The following ETV7 variants were observed in gnomAD, a reference collection of about 807,000 sequenced individuals.
ETV7 encodes the protein ETS variant transcription factor 7.
In ETV7, 43 loss-of-function variants were observed where a neutral mutation model predicts 39.1. The observed-to-expected ratio is 1.10, with a 90% confidence interval of 0.86 to 1.42. The LOEUF (loss-of-function observed/expected upper bound fraction) is 1.42. Ranked by LOEUF, ETV7 falls within the 40% of genes most tolerant of loss-of-function variation. The probability of loss-of-function intolerance (pLI) is 0.00; values close to 1 mark genes in which losing one functional copy is unlikely to be tolerated. For missense variants in ETV7, 432 were observed against 442.3 expected (o/e 0.98, Z 0.21); for synonymous variants, 196 against 176.6 (o/e 1.11, Z -0.87).
chr6:36,371,508 T>C lies in ETV7; in HGVS notation c.486A>G (p.Pro162=), dbSNP rs751801330. 1.2e-6 allele frequency: 2 copies of C among 1,606,584 alleles called. No homozygotes were observed. Among genetic ancestry groups the C allele is most frequent in the Non-Finnish European group, 1.7e-6 (2 of 1,176,916 alleles). The part of the protein sequence containing the change: ...MDTRRGHLLQ[P]PDPGLTSNFG... ...AGTTGCTGGTAAGCCCTGGGTCTGG[T>C]GGCTGCAGCAGGTGGCCCCTTCGGG... Residue 162 remains proline (P), a synonymous_variant, in exon 5 of 8, where the codon CCA becomes CCG. Transcript: ENST00000340181.
intron 2 of ETV7, among the ~76,000 whole-genome samples, chr6:36,383,598 G>A (rs889213427): frequency 6.6e-6 from 1 of 152,174 alleles, no homozygotes; most frequent in Non-Finnish European, 1.5e-5. Context: ...GATGGGCAGA[G>A]ATGGAAACCC....
downstream of ETV7, among the ~76,000 whole-genome samples, chr6:36,361,430 T>C (rs986604254): frequency 3.9e-5 from 6 of 152,154 alleles, no homozygotes; most frequent in South Asian, 8.3e-4. Flanking sequence ...GTGAGAACAT[T>C]TGAGTAGAAA....
chr6:36,376,060 A>T (rs1301888193), intron 2 of ETV7, 25 bp from the exon 3 acceptor site: 1 of 1,583,088 alleles, frequency 6.3e-7, no homozygotes. Context: ...GACCAGTCCC[A>T]TCACTCCCCG....
chr6:36,373,626 G>C (rs1773157875), intron 3 of ETV7, 48 bp from the exon 4 acceptor site: 2 of 1,500,986 alleles, frequency 1.3e-6, no homozygotes, highest in Non-Finnish European at 1.8e-6. Flanking sequence ...GGCCACGTGG[G>C]GAGGGCCAGC....
chr6:36,361,660 G>C (rs1163585206), downstream of ETV7, among the ~76,000 whole-genome samples: 1 of 152,246 alleles, frequency 6.6e-6, no homozygotes, highest in Non-Finnish European at 1.5e-5. Context: ...ACCTAACAGA[G>C]AAGAGGAAGA....
At chr6:36,375,770 G>C in intron 3 of ETV7, 101 bp downstream of exon 3, 2 of 1,573,678 alleles carry the variant, frequency 1.3e-6, no homozygotes, top group South Asian at 2.2e-5. Flanking sequence ...ATTCCCCAAG[G>C]AAGACCCCTC....
chr6:36,379,268 G>A (rs1773528735), intron 2 of ETV7, among the ~76,000 whole-genome samples: 1 of 152,250 alleles, frequency 6.6e-6, no homozygotes, highest in Non-Finnish European at 1.5e-5. Flanking sequence ...CTGGCCTGTT[G>A]TGGTGGCTGA....
intron 4 of ETV7, among the ~76,000 whole-genome samples, chr6:36,373,192 G>A (rs554003177): frequency 1.9e-4 from 29 of 152,188 alleles, no homozygotes; most frequent in African/African-American, 6.5e-4. Flanking sequence ...TTTCCACGGA[G>A]GGCTGCAGAG....
rs866868598 is a variant in ETV7, at chr6:36,385,671, T to C, written c.7-2A>G. ...AGGAGAAATAGCCAATTCTCCCTCC[T>C]AGAGAGAGAAAAACCAGGACAGTCA... On this transcript the variant is annotated splice_acceptor_variant, in intron 1 of 7. Coordinates refer to ENST00000340181, the MANE Select transcript of ETV7 (RefSeq NM_016135.4). LOFTEE classifies it high-confidence loss of function. 4 of 1,600,132 alleles carry C rather than the reference T, an allele frequency of 2.5e-6. No homozygotes were observed. The highest frequency in any genetic ancestry group is 2.6e-6 in the Non-Finnish European group (3 of 1,175,196).
At position 36,361,104 on chromosome 6, in the gene ETV7, G is replaced by T. The variant is rs114890878; in HGVS notation, c.908+5771C>A. ...ATGAGCAATTAACTCAAAAGGATTC[G>T]GGACTTTAAAAAAATCAAGATCACG... On this transcript the variant is annotated intron_variant, in intron 7 of 7. Coordinates refer to the ETV7 transcript ENST00000339796. Among the ~76,000 whole-genome samples the T allele has an allele frequency of 6.5e-3, 985 of 152,198 alleles. 5 individuals are homozygous for T. The highest frequency in any genetic ancestry group is 0.012 in the Non-Finnish European group (802 of 67,998).
chr6:36,359,456 AAAAAAAG>A (rs372089484), intron 7 of ETV7, among the ~76,000 whole-genome samples: 8 of 151,872 alleles, frequency 5.3e-5, no homozygotes, highest in Admixed American at 2.0e-4. Flanking sequence ...AGTCTCAAAA[AAAAAAAG>A]AAAAAAGAAA....
chr6:36,365,767 C>T (rs956315290), downstream of ETV7, among the ~76,000 whole-genome samples: 3 of 152,136 alleles, frequency 2.0e-5, no homozygotes, highest in Non-Finnish European at 2.9e-5. Flanking sequence ...CGGGCCAGCT[C>T]CACAAGCCTC....
intron 3 of ETV7, among the ~76,000 whole-genome samples, chr6:36,374,262 C>T (rs1773190933): frequency 1.3e-5 from 2 of 151,822 alleles, no homozygotes; most frequent in African/African-American, 4.8e-5. Context: ...GAGGCTGAGG[C>T]AGGAGAATCA....
At chr6:36,381,666 G>A (rs1035054225) in intron 2 of ETV7, among the ~76,000 whole-genome samples, 5 of 152,250 alleles carry the variant, frequency 3.3e-5, no homozygotes, top group African/African-American at 1.2e-4. Context: ...TGGCCCCATT[G>A]TCTTGGTCGA....
chr6:36,376,298 C>T (rs1426384992), intron 2 of ETV7, among the ~76,000 whole-genome samples: 2 of 152,246 alleles, frequency 1.3e-5, no homozygotes, highest in African/African-American at 2.4e-5. Context: ...TACCTCCCCA[C>T]CACCTGTTTT....
chr6:36,371,004 G>A (rs909666734), intron 5 of ETV7, among the ~76,000 whole-genome samples: 3 of 152,316 alleles, frequency 2.0e-5, no homozygotes, highest in Non-Finnish European at 4.4e-5. Flanking sequence ...TGGGAACCAC[G>A]CCTGGCACAT....
chr6:36,364,408 G>A (rs1424506309), downstream of ETV7, among the ~76,000 whole-genome samples: 1 of 152,240 alleles, frequency 6.6e-6, no homozygotes, highest in Admixed American at 6.5e-5. Context: ...GTGAGAAATC[G>A]AGCGCAGCGC....
chr6:36,376,778 G>GAAAAA (rs60435053), intron 2 of ETV7, among the ~76,000 whole-genome samples: 1 of 91,966 alleles, frequency 1.1e-5, no homozygotes, highest in Non-Finnish European at 2.3e-5. Flanking sequence ...TCCCTCTAAA[G>GAAAAA]AAAAAAAAAA....
At chr6:36,381,333 A>G (rs1398643612) in intron 2 of ETV7, among the ~76,000 whole-genome samples, 1 of 152,206 alleles carries the variant, frequency 6.6e-6, no homozygotes, top group African/African-American at 2.4e-5. Flanking sequence ...GTGGCTTTGG[A>G]CAAGATAATT....
Sources: allele counts gnomAD v4.1 joint callset (sites outside exome capture counted in the v4.1 genomes callset), GRCh38; gene constraint gnomAD v4.1.1; transcripts MANE v1.5; gene names NCBI Gene and HGNC (gene_info 2026-07-23, HGNC 2026-07-21).